Variants in ATP11A observed in about 807,000 individuals in gnomAD.
The protein encoded by ATP11A is ATPase phospholipid transporting 11A, also known as phospholipid-transporting ATPase IH.
Under a neutral mutation model 154.4 loss-of-function variants are expected in ATP11A, and 81 were observed. The ratio of observed to expected loss-of-function variants is 0.52; its 90% CI spans 0.44 to 0.63. The LOEUF (loss-of-function observed/expected upper bound fraction) is 0.63. ATP11A is among the 30% of genes least tolerant of loss of function. The pLI is 0.00. For synonymous variants in ATP11A, 623 were observed against 585.9 expected, an observed-to-expected ratio of 1.06 and a Z score of -0.91; for missense variants, 1,316 against 1,474.3, an observed-to-expected ratio of 0.89 and a Z score of 1.76.
At position 112,768,785 on chromosome 13, in the gene ATP11A, A is replaced by C. The variant is rs139611800; in HGVS notation, c.40-16350A>C. ...TTCCCGCTGGGCTCGTGGGTGACGC[A>C]GTGTTTTCCGGTGGCTTGGGAAGAA... On this transcript the variant is annotated intron_variant, in intron 1 of 29. Transcript: ENST00000375645. Among the ~76,000 whole-genome samples the C allele has an allele frequency of 4.3e-3, 652 of 152,214 alleles. 10 individuals carry two copies. Among genetic ancestry groups the C allele is most frequent in the African/African-American group, 0.015 (610 of 41,564 alleles).
At chr13:112,781,402 G>A (rs1000546450) in intron 1 of ATP11A, among the ~76,000 whole-genome samples, 12 of 152,136 alleles carry the variant, frequency 7.9e-5, no homozygotes, top group African/African-American at 2.2e-4. Flanking sequence ...ATTCAAGACC[G>A]GTGAGGTTCA....
intron 1 of ATP11A, among the ~76,000 whole-genome samples, chr13:112,731,938 G>C (rs914312733): frequency 3.7e-5 from 3 of 82,062 alleles, no homozygotes; most frequent in East Asian, 5.2e-4. Flanking sequence ...AAATGGGGGC[G>C]GGGGGGGGCA....
intron 5 of ATP11A, among the ~76,000 whole-genome samples, chr13:112,813,623 C>T (rs2078564961): frequency 6.6e-6 from 1 of 152,186 alleles, no homozygotes; most frequent in African/African-American, 2.4e-5. Context: ...CATAAAAGCT[C>T]AAGAGTTGGA....
At position 112,882,082 on chromosome 13, in the gene ATP11A, G is replaced by A; in HGVS notation, c.*216G>A. On this transcript the variant is annotated 3_prime_UTR_variant, in exon 30 of 30. Coordinates refer to ENST00000375645, the MANE Select transcript of ATP11A (RefSeq NM_015205.3). The surrounding 1 kb of genome is among the most constrained non-coding windows in gnomAD (Gnocchi z 5.1). ...TCGTGTGATGGATGGTCCTAAGCCT[G>A]TGGAGACTGTGCACGTGCCTCTTCC... 1 of 1,364,050 alleles carries A rather than the reference G, an allele frequency of 7.3e-7. No individual in the cohort carries two copies. Among genetic ancestry groups the A allele is most frequent in the African/African-American group, 1.5e-5 (1 of 67,814 alleles). The allele number at this position is 1,364,050 out of a possible 1,614,324, so 84.5% of individuals were successfully genotyped here. A position where few individuals can be genotyped will look rare whatever the true frequency, so the allele number is the denominator to read the frequency against.
rs770141536 is a variant in ATP11A, at chr13:112,878,222, G to A, written c.3333G>A (p.Lys1111=). ...CCGCTGACCTCGGGACTAAGACTAA[G>A]AGCCAGTGCCTTTCTGTCGAGCAGT... ...WPTATERVQT[K]SQCLSVEQST... The change falls in exon 29 of 30, where the codon AAG becomes AAA. Residue 1111 remains lysine (K), a synonymous_variant. Coordinates refer to ENST00000375645, the MANE Select transcript of ATP11A (RefSeq NM_015205.3). 88 of 1,614,090 alleles carry A rather than the reference G, an allele frequency of 5.5e-5. 1 individual carries two copies. In the East Asian group the frequency reaches 7.8e-4, roughly 14 times the overall value.
At chr13:112,698,920 G>A (rs567864435) in intron 1 of ATP11A, among the ~76,000 whole-genome samples, 6 of 152,184 alleles carry the variant, frequency 3.9e-5, no homozygotes, top group African/African-American at 1.2e-4. Context: ...TAGAGACAGG[G>A]TTTTGCTATG....
intron 6 of ATP11A, among the ~76,000 whole-genome samples, chr13:112,817,999 C>T (rs1197054539): frequency 6.6e-6 from 1 of 152,240 alleles, no homozygotes; most frequent in Non-Finnish European, 1.5e-5. Flanking sequence ...CCCTATCTCT[C>T]AGGGGCTCTT....
chr13:112,775,200 G>A (rs1020501395), intron 1 of ATP11A, among the ~76,000 whole-genome samples: 14 of 152,262 alleles, frequency 9.2e-5, no homozygotes, highest in Non-Finnish European at 1.5e-4. Flanking sequence ...TGGGCTGGCC[G>A]CGTAGCTTCC....
intron 2 of ATP11A, among the ~76,000 whole-genome samples, chr13:112,792,117 G>T (rs2140080584): frequency 6.6e-6 from 1 of 152,272 alleles, no homozygotes; most frequent in East Asian, 1.9e-4. Flanking sequence ...AAGTGGATGA[G>T]GTTGTGTAAT....
In ATP11A at chr13:112,875,845, G is replaced by T. The variant is rs1472883894; in HGVS notation, c.3231G>T (p.Leu1077=). The change falls in exon 28 of 30, where the codon CTG becomes CTT. Residue 1077 remains leucine, a synonymous_variant. Coordinates refer to ENST00000375645, the MANE Select transcript of ATP11A (RefSeq NM_015205.3). This position sits in a 1 kb window ranked among gnomAD's most constrained non-coding sequence, Gnocchi z 4.1. Reference sequence around the variant, plus strand: ...TGCTGTCCAGCGGGCCCGCCTGGCTGGCCATCGTGCTGCTGGTGACCATCA... The same window carrying T: ...TGCTGTCCAGCGGGCCCGCCTGGCTTGCCATCGTGCTGCTGGTGACCATCA... ...IQMLSSGPAW[L]AIVLLVTISL... 3.5e-5 allele frequency: 57 copies of T among 1,613,872 alleles called. No individual in the cohort carries two copies. The highest frequency in any genetic ancestry group is 4.6e-5 in the Non-Finnish European group (54 of 1,180,044).
intron 1 of ATP11A, among the ~76,000 whole-genome samples, chr13:112,729,215 G>A (rs1217489399): frequency 2.6e-5 from 4 of 152,212 alleles, no homozygotes; most frequent in Admixed American, 6.5e-5. Context: ...TCTGGTTGGC[G>A]GTCAGCTCAT....
At position 112,826,902 on chromosome 13, in the gene ATP11A, C is replaced by A; in HGVS notation, c.1221+11C>A. ...GAAGAGCTGGGACAGGTTGGTGTCT[C>A]CTGAGTCATCTGCTGTGATTTATTA... On this transcript the variant is annotated intron_variant, in intron 12 of 29. Coordinates refer to ENST00000375645, the MANE Select transcript of ATP11A (RefSeq NM_015205.3). 1.2e-6 allele frequency: 2 copies of A among 1,614,028 alleles called. No homozygotes were observed. Among genetic ancestry groups the A allele is most frequent in the African/African-American group, 1.3e-5 (1 of 75,044 alleles).
intron 19 of ATP11A, among the ~76,000 whole-genome samples, 172 bp from the exon 20 acceptor site, chr13:112,855,739 C>T (rs1040226521): frequency 3.3e-5 from 5 of 152,056 alleles, no homozygotes; most frequent in African/African-American, 1.2e-4. Context: ...TCTTAAATGT[C>T]GACAAAAGGT....
chr13:112,806,855 G>A (rs1339395598), intron 4 of ATP11A, among the ~76,000 whole-genome samples: 3 of 152,012 alleles, frequency 2.0e-5, no homozygotes, highest in Non-Finnish European at 2.9e-5. Flanking sequence ...CCGTAGAGTC[G>A]CCTATTCTAA....
At chr13:112,760,157 TCA>T (rs1240513120) in intron 1 of ATP11A, among the ~76,000 whole-genome samples, 2 of 152,266 alleles carry the variant, frequency 1.3e-5, no homozygotes, top group African/African-American at 4.8e-5. Context: ...TTTTCATTTC[TCA>T]GTCTTCCGTG....
At chr13:112,733,818 T>A (rs1890725459) in intron 1 of ATP11A, among the ~76,000 whole-genome samples, 1 of 152,262 alleles carries the variant, frequency 6.6e-6, no homozygotes, top group Admixed American at 6.5e-5. Context: ...AGAAATTCCT[T>A]GCTGACATTG....
intron 1 of ATP11A, among the ~76,000 whole-genome samples, chr13:112,692,758 T>C (rs1885348076): frequency 6.6e-6 from 1 of 152,194 alleles, no homozygotes; most frequent in Admixed American, 6.5e-5. Context: ...TCTCTATCAT[T>C]TTAAGTTCAT....
chr13:112,850,339 C>G (rs567106626), intron 17 of ATP11A, among the ~76,000 whole-genome samples: 5 of 152,182 alleles, frequency 3.3e-5, no homozygotes, highest in Non-Finnish European at 7.3e-5. Context: ...CTGTGACGGT[C>G]GCGCTCAGCA....
chr13:112,702,548 C>T (rs990493224), intron 1 of ATP11A, among the ~76,000 whole-genome samples: 11 of 152,168 alleles, frequency 7.2e-5, no homozygotes, highest in South Asian at 6.2e-4. Flanking sequence ...TTGTGTTCCG[C>T]GGGCTTCTTG....
Sources: allele counts gnomAD v4.1 joint callset (sites outside exome capture counted in the v4.1 genomes callset), GRCh38; gene constraint gnomAD v4.1.1; non-coding constraint Gnocchi (gnomAD v3.1); transcripts MANE v1.5; gene names NCBI Gene and HGNC (gene_info 2026-07-23, HGNC 2026-07-21).